Variants in NALF1 observed in about 807,000 individuals in gnomAD.
The protein encoded by NALF1 is NALCN channel auxiliary factor 1.
A neutral mutation model predicts 48.4 loss-of-function variants in NALF1; 3 were observed. The ratio of observed to expected loss-of-function variants is 0.06; its 90% CI spans 0.03 to 0.16. NALF1 has a LOEUF of 0.16. NALF1 is among the 10% of genes least tolerant of loss of function. The pLI is 1.00. For synonymous variants in NALF1, 262 were observed against 245.7 expected, an observed-to-expected ratio of 1.07 and a Z score of -0.62; for missense variants, 526 against 571.5, an observed-to-expected ratio of 0.92 and a Z score of 0.81.
At chr13:107,288,772 A>G (rs1332694036) in intron 1 of NALF1, among the ~76,000 whole-genome samples, 1 of 151,466 alleles carries the variant, frequency 6.6e-6, no homozygotes, top group Non-Finnish European at 1.5e-5. Context: ...ACCTATGGTG[A>G]TCCACTCGCC....
At chr13:107,228,931 A>G (rs1318250756) in intron 1 of NALF1, among the ~76,000 whole-genome samples, 1 of 151,858 alleles carries the variant, frequency 6.6e-6, no homozygotes, top group Non-Finnish European at 1.5e-5. Flanking sequence ...GGGTGCTGGT[A>G]CCTCTTGATT....
At chr13:107,430,673 C>T (rs1884364612) in intron 1 of NALF1, among the ~76,000 whole-genome samples, 1 of 152,118 alleles carries the variant, frequency 6.6e-6, no homozygotes, top group Admixed American at 6.5e-5. Flanking sequence ...TGTATATGTG[C>T]CACATTTTCT....
intron 1 of NALF1, among the ~76,000 whole-genome samples, chr13:107,712,674 A>C (rs1482375332): frequency 6.6e-6 from 1 of 152,228 alleles, no homozygotes; most frequent in Non-Finnish European, 1.5e-5. Flanking sequence ...TGCTATACTC[A>C]TAATTTTCCT....
At chr13:107,542,758 A>T (rs1009491040) in intron 1 of NALF1, among the ~76,000 whole-genome samples, 8 of 152,140 alleles carry the variant, frequency 5.3e-5, no homozygotes, top group African/African-American at 1.9e-4. Flanking sequence ...CCATATGGCT[A>T]CTCAGCAAGT....
At chr13:107,729,336 G>T (rs572011280) in intron 1 of NALF1, among the ~76,000 whole-genome samples, 29 of 152,116 alleles carry the variant, frequency 1.9e-4, no homozygotes, top group Admixed American at 1.5e-3. Context: ...CCTATTAAAA[G>T]TCTCCTTTTC....
chr13:107,208,451 G>A (rs1455956219), intron 2 of NALF1, among the ~76,000 whole-genome samples: 1 of 152,192 alleles, frequency 6.6e-6, no homozygotes, highest in Non-Finnish European at 1.5e-5. Flanking sequence ...TTCTGAATGT[G>A]TATGGAGGAA....
At chr13:107,273,839 T>A (rs924071493) in intron 1 of NALF1, among the ~76,000 whole-genome samples, 2 of 152,286 alleles carry the variant, frequency 1.3e-5, no homozygotes, top group African/African-American at 4.8e-5. Flanking sequence ...GAGCATGGCA[T>A]CTTCCAACCT....
chr13:107,472,147 G>A lies in NALF1; in HGVS notation c.916-261392C>T, dbSNP rs566438144. On this transcript the variant is annotated intron_variant, in intron 1 of 2. Coordinates refer to ENST00000375915, the MANE Select transcript of NALF1 (RefSeq NM_001080396.3). Reference sequence around the variant, plus strand: ...AGTTCGAGACCAGCCTGACTAACATGGTGAAAGCCCGTCTCTACTAAAAAT... The same window carrying A: ...AGTTCGAGACCAGCCTGACTAACATAGTGAAAGCCCGTCTCTACTAAAAAT... 6.6e-5 allele frequency among the ~76,000 whole-genome samples: 10 copies of A among 152,222 alleles called. No individual in the cohort carries two copies. In the South Asian group the frequency reaches 2.1e-3, roughly 32 times the overall value.
chr13:107,492,255 G>A (rs1594092168), intron 1 of NALF1, among the ~76,000 whole-genome samples: 1 of 151,754 alleles, frequency 6.6e-6, no homozygotes, highest in Non-Finnish European at 1.5e-5. Flanking sequence ...CACCATGTTG[G>A]CCAGGCTGTT....
intron 1 of NALF1, among the ~76,000 whole-genome samples, chr13:107,504,123 G>A (rs987083115): frequency 4.0e-5 from 6 of 151,682 alleles, no homozygotes; most frequent in African/African-American, 1.5e-4. Flanking sequence ...GTGGCGGCAC[G>A]TGCCTGTAGT....
chr13:107,323,868 T>C lies in NALF1; in HGVS notation c.916-113113A>G, dbSNP rs550921432. On this transcript the variant is annotated intron_variant, in intron 1 of 2. Coordinates refer to ENST00000375915, the MANE Select transcript of NALF1 (RefSeq NM_001080396.3). ...TTTATTTTCTCTAGGAATCCAGGACTTTGGGAGGCTGAGGCAGAAGGATCG... is the reference window on the plus strand; with the variant it reads ...TTTATTTTCTCTAGGAATCCAGGACCTTGGGAGGCTGAGGCAGAAGGATCG... Among the ~76,000 whole-genome samples, 4 of 152,268 alleles carry C rather than the reference T, an allele frequency of 2.6e-5. No individual in the cohort carries two copies. In the East Asian group the frequency reaches 7.7e-4, roughly 29 times the overall value.
At chr13:107,225,263 C>T (rs1157290861) in intron 1 of NALF1, among the ~76,000 whole-genome samples, 2 of 152,156 alleles carry the variant, frequency 1.3e-5, no homozygotes, top group Non-Finnish European at 2.9e-5. Flanking sequence ...CCCGCCTCGG[C>T]CTCCCAAAGT....
At chr13:107,575,331 C>T (rs532726265) in intron 1 of NALF1, among the ~76,000 whole-genome samples, 1 of 152,220 alleles carries the variant, frequency 6.6e-6, no homozygotes, top group South Asian at 2.1e-4. Context: ...GATTTAGGTG[C>T]AAAGCTATGG....
intron 1 of NALF1, among the ~76,000 whole-genome samples, chr13:107,755,615 T>G (rs1315298639): frequency 1.3e-5 from 2 of 151,460 alleles, no homozygotes; most frequent in Non-Finnish European, 2.9e-5. Flanking sequence ...TCTTCTCAAC[T>G]GCCACAACTC....
intron 1 of NALF1, among the ~76,000 whole-genome samples, chr13:107,696,551 A>AGTGTGTGTGTGT (rs58345595): frequency 6.8e-6 from 1 of 146,816 alleles, no homozygotes; most frequent in African/African-American, 2.5e-5. Context: ...CTCCAAGTTG[A>AGTGTGTGTGTGT]GTGTGTGTGT....
chr13:107,676,189 A>G (rs1594200048), intron 1 of NALF1, among the ~76,000 whole-genome samples: 1 of 152,328 alleles, frequency 6.6e-6, no homozygotes, highest in East Asian at 1.9e-4. Context: ...AATGCACACT[A>G]TGACCAAATG....
At position 107,362,968 on chromosome 13, in the gene NALF1, T is replaced by C. The variant is rs145390626; in HGVS notation, c.916-152213A>G. 1.1e-4 allele frequency among the ~76,000 whole-genome samples: 17 copies of C among 152,226 alleles called. 1 individual carries two copies. Among genetic ancestry groups the C allele is most frequent in the Non-Finnish European group, 1.6e-4 (11 of 68,028 alleles). On this transcript the variant is annotated intron_variant, in intron 1 of 2. Transcript: ENST00000375915. The surrounding 1 kb of genome is among the most constrained non-coding windows in gnomAD (Gnocchi z 4.6). ...TATGATGTCCCCAAGACTCAAAAGC[T>C]TACCATATAATAATTGGGATCGTAA...
intron 1 of NALF1, among the ~76,000 whole-genome samples, chr13:107,608,292 C>A (rs1476467021): frequency 6.6e-6 from 1 of 152,022 alleles, no homozygotes; most frequent in African/African-American, 2.4e-5. Context: ...TAATGTTAAG[C>A]CAAAAGCACT....
chr13:107,391,527 GAAGATAATCAACT>G (rs932947623), intron 1 of NALF1, among the ~76,000 whole-genome samples: 4 of 152,152 alleles, frequency 2.6e-5, no homozygotes, highest in Non-Finnish European at 5.9e-5. Context: ...TCCAGATCCA[GAAGATAATCAACT>G]AAGAGCCAGG....
Sources: gnomAD v4.1 joint callset for allele counts (sites outside exome capture counted in the v4.1 genomes callset) on GRCh38, gnomAD v4.1.1 for gene constraint, Gnocchi (gnomAD v3.1) non-coding constraint, MANE v1.5 for transcripts, NCBI Gene and HGNC (gene_info 2026-07-23, HGNC 2026-07-21) for gene names.